Variants in XYLT1 observed in about 807,000 individuals in gnomAD.
XYLT1 encodes the protein xylosyltransferase 1.
In XYLT1, 36 loss-of-function variants were observed where a neutral mutation model predicts 91.3. That is an observed-to-expected ratio of 0.39 (90% CI 0.30 to 0.52). The LOEUF (loss-of-function observed/expected upper bound fraction) is 0.52, where lower values mean the gene tolerates loss of function less well. XYLT1 is among the 20% of genes least tolerant of loss of function. The pLI is 0.68. For synonymous variants in XYLT1, 588 were observed against 532.0 expected, an observed-to-expected ratio of 1.11 and a Z score of -1.45; for missense variants, 1,242 against 1,284.5, an observed-to-expected ratio of 0.97 and a Z score of 0.51.
Position 17,259,273 on chromosome 16 carries a change from C to T in XYLT1, c.628G>A (p.Gly210Arg), listed in dbSNP as rs772487410. The T allele has an allele frequency of 6.2e-7, 1 of 1,614,016 alleles. No homozygotes were observed. Among genetic ancestry groups the T allele is most frequent in the Non-Finnish European group, 8.5e-7 (1 of 1,180,034 alleles). ...QEKGKGHTFP[G>R]KGPGEVLPPG... Reference sequence around the variant, plus strand: ...GGCAGCACCTCACCGGGGCCTTTCCCAGGGAATGTATGTCCTTTTCCTTTC... The same window carrying T: ...GGCAGCACCTCACCGGGGCCTTTCCTAGGGAATGTATGTCCTTTTCCTTTC... Residue 210 changes from glycine (G) to arginine (R), a missense_variant, in exon 3 of 12, where the codon GGG becomes AGG. Transcript: ENST00000261381.
At chr16:17,415,997 A>G (rs2036175627) in intron 1 of XYLT1, among the ~76,000 whole-genome samples, 1 of 152,364 alleles carries the variant, frequency 6.6e-6, no homozygotes, top group Middle Eastern at 3.4e-3. Flanking sequence ...CCAGAAAGTC[A>G]GTATGGCAGT....
rs1437881449 is a variant in XYLT1 at position 17,101,963 on chromosome 16, T to G, written c.*6732A>C. On this transcript the variant is annotated 3_prime_UTR_variant, in exon 12 of 12. Coordinates refer to ENST00000261381, the MANE Select transcript of XYLT1 (RefSeq NM_022166.4). ...AACCAACCAGTTGGGTATAGGAAAC[T>G]GCAACTTTCCATGGCAGTCCCTTCT... 1 of 152,240 alleles carries G rather than the reference T, an allele frequency of 6.6e-6. No homozygotes were observed. The highest frequency in any genetic ancestry group is 1.5e-5 in the Non-Finnish European group (1 of 68,042). 9.4% of individuals were successfully genotyped at this position (152,240 alleles called of 1,614,324 possible). A position where few individuals can be genotyped will look rare whatever the true frequency, so the allele number is the denominator to read the frequency against.
At chr16:17,265,483 A>T (rs538860249) in intron 2 of XYLT1, among the ~76,000 whole-genome samples, 1 of 152,210 alleles carries the variant, frequency 6.6e-6, no homozygotes, top group East Asian at 1.9e-4. Context: ...ATTTTAATGT[A>T]CTTATTACAA....
At chr16:17,393,145 G>A (rs577949990) in intron 1 of XYLT1, among the ~76,000 whole-genome samples, 26 of 152,192 alleles carry the variant, frequency 1.7e-4, no homozygotes, top group African/African-American at 6.3e-4. Flanking sequence ...TTTTCCTGGG[G>A]ATGTCCTCAA....
chr16:17,127,699 T>C lies in XYLT1; in HGVS notation c.2190A>G (p.Pro730=), dbSNP rs1463642350. The change falls in exon 10 of 12, where the codon CCA becomes CCG. Residue 730 remains proline, a synonymous_variant. Transcript: ENST00000261381. The part of the protein sequence containing the change: ...MPKKVFKIAS[P]PSDFGRLQFS... ...ACTGAAGCCTCCCAAAGTCACTGGG[T>C]GGGCTTGCGATCTTGAAGACTTTTT... 6.2e-7 allele frequency: 1 copy of C among 1,614,092 alleles called. No homozygotes were observed. Among genetic ancestry groups the C allele is most frequent in the Admixed American group, 1.7e-5 (1 of 60,006 alleles).
At chr16:17,191,800 C>T (rs2032315541) in intron 5 of XYLT1, among the ~76,000 whole-genome samples, 1 of 152,246 alleles carries the variant, frequency 6.6e-6, no homozygotes, top group Non-Finnish European at 1.5e-5. Flanking sequence ...TTTGGATCTG[C>T]AGTTAATGTA....
At chr16:17,354,178 G>GC (rs2035261193) in intron 2 of XYLT1, among the ~76,000 whole-genome samples, 1 of 152,066 alleles carries the variant, frequency 6.6e-6, no homozygotes, top group Admixed American at 6.6e-5. Flanking sequence ...ATTCATCACT[G>GC]CAAGTCAGGG....
In XYLT1 at chr16:17,259,486, A is replaced by G. The variant is rs2033690253; in HGVS notation, c.415T>C (p.Ser139Pro). The change falls in exon 3 of 12, where the codon TCT becomes CCT. Residue 139 changes from serine (S) to proline (P), a missense_variant. Physicochemically the swap from Ser to Pro is moderately conservative, Grantham distance 74. Transcript: ENST00000261381. ...ITLETQDGYFSHRPKEKVRTD... is the reference protein window; with the variant it reads ...ITLETQDGYFPHRPKEKVRTD... ...CGCACTTTCTCTTTCGGCCGATGAG[A>G]AAAGTAGCCATCCTGGAGAAGAGGG... 1 of 1,607,046 alleles carries G rather than the reference A, an allele frequency of 6.2e-7. No homozygotes were observed. Among genetic ancestry groups the G allele is most frequent in the Non-Finnish European group, 8.5e-7 (1 of 1,177,434 alleles).
intron 11 of XYLT1, among the ~76,000 whole-genome samples, chr16:17,114,303 G>A (rs867201170): frequency 1.3e-5 from 2 of 152,232 alleles, no homozygotes. Context: ...ACCCCAGTTT[G>A]AAACCATTTG....
intron 1 of XYLT1, among the ~76,000 whole-genome samples, chr16:17,443,916 C>G (rs1335833662): frequency 6.6e-6 from 1 of 152,154 alleles, no homozygotes; most frequent in Non-Finnish European, 1.5e-5. Context: ...TCAATAAAAT[C>G]CAAACTCCTT....
At chr16:17,184,056 C>T (rs564526820) in intron 5 of XYLT1, among the ~76,000 whole-genome samples, 4 of 152,214 alleles carry the variant, frequency 2.6e-5, no homozygotes, top group African/African-American at 2.4e-5. Context: ...ATAGACTCTA[C>T]AATAAAGACC....
At chr16:17,461,617 T>G (rs1445980598) in intron 1 of XYLT1, among the ~76,000 whole-genome samples, 1 of 152,106 alleles carries the variant, frequency 6.6e-6, no homozygotes, top group Non-Finnish European at 1.5e-5. Flanking sequence ...GATGGATGGA[T>G]GGATGCTTAG....
intron 3 of XYLT1, among the ~76,000 whole-genome samples, chr16:17,236,635 G>A (rs775548822): frequency 7.9e-5 from 12 of 152,176 alleles, no homozygotes; most frequent in African/African-American, 2.2e-4. Flanking sequence ...AGATCCAGGC[G>A]TTGGCAGGGT....
At chr16:17,125,512 T>C (rs935792057) in intron 10 of XYLT1, among the ~76,000 whole-genome samples, 1 of 152,062 alleles carries the variant, frequency 6.6e-6, no homozygotes, top group Non-Finnish European at 1.5e-5. Flanking sequence ...TCCTAGCTCA[T>C]TCCCAGTGCC....
chr16:17,187,347 T>A (rs2032205914), intron 5 of XYLT1, among the ~76,000 whole-genome samples: 2 of 133,348 alleles, frequency 1.5e-5, no homozygotes, highest in African/African-American at 5.8e-5. Flanking sequence ...TGAGCCGAGA[T>A]CACGCCATTG....
At chr16:17,190,104 G>C (rs1047143794) in intron 5 of XYLT1, among the ~76,000 whole-genome samples, 2 of 152,126 alleles carry the variant, frequency 1.3e-5, no homozygotes, top group Admixed American at 1.3e-4. Context: ...GATACAGAAA[G>C]GAGATTAGTG....
In XYLT1 at chr16:17,321,342, C is replaced by CTTTTTTT. The variant is rs10606202; in HGVS notation, c.402+36663_402+36669dup. Among the ~76,000 whole-genome samples, 28 of 43,624 alleles carry CTTTTTTT rather than the reference C, an allele frequency of 6.4e-4. 5 individuals are homozygous for CTTTTTTT. Among genetic ancestry groups the CTTTTTTT allele is most frequent in the East Asian group, 6.1e-3 (6 of 978 alleles). The allele number at this position is 43,624 out of a possible 152,430, so 28.6% of individuals were successfully genotyped here. A position where few individuals can be genotyped will look rare whatever the true frequency, so the allele number is the denominator to read the frequency against. On this transcript the variant is annotated intron_variant, in intron 2 of 11. Transcript: ENST00000261381. Reference sequence around the variant, plus strand: ...GACAGTTCCCAAAGTACTAACTAGCCTTTTTTTTTTTTTTTTTTTTTTTTT... The same window carrying CTTTTTTT: ...GACAGTTCCCAAAGTACTAACTAGCCTTTTTTTTTTTTTTTTTTTTTTTTTTTTTTTT...
At position 17,108,934 on chromosome 16, in the gene XYLT1, G is replaced by A. The variant is rs1216410589; in HGVS notation, c.2641C>T (p.Leu881=). 1 of 1,598,252 alleles carries A rather than the reference G, an allele frequency of 6.3e-7. No individual in the cohort carries two copies. The highest frequency in any genetic ancestry group is 2.3e-5 in the East Asian group (1 of 44,442). Residue 881 remains leucine (L), a synonymous_variant, in exon 12 of 12, where the codon CTG becomes TTG. Coordinates refer to ENST00000261381, the MANE Select transcript of XYLT1 (RefSeq NM_022166.4). ...TCCACCTGGGCGGGGTTGATGGGCAGGCTGAGGACGGGGTTTAGGCTCTGG... is the reference window on the plus strand; with the variant it reads ...TCCACCTGGGCGGGGTTGATGGGCAAGCTGAGGACGGGGTTTAGGCTCTGG... ...SFQSLNPVLS[L]PINPAQVEQA...
At chr16:17,195,632 G>C (rs2141584425) in intron 5 of XYLT1, among the ~76,000 whole-genome samples, 1 of 152,192 alleles carries the variant, frequency 6.6e-6, no homozygotes, top group Admixed American at 6.5e-5. Context: ...TTTTAGTAGA[G>C]ATGGGGTTTC....
Sources: gnomAD v4.1 joint callset for allele counts (sites outside exome capture counted in the v4.1 genomes callset) on GRCh38, gnomAD v4.1.1 for gene constraint, MANE v1.5 for transcripts, NCBI Gene and HGNC (gene_info 2026-07-23, HGNC 2026-07-21) for gene names.